Variants in AMMECR1 observed in about 807,000 individuals in gnomAD.
AMMECR1 encodes the protein nuclear protein AMMECR1.
Under a neutral mutation model 22.5 loss-of-function variants are expected in AMMECR1, and 3 were observed. That is an observed-to-expected ratio of 0.13 (90% CI 0.06 to 0.35). The LOEUF (loss-of-function observed/expected upper bound fraction) is 0.35, where lower values mean the gene tolerates loss of function less well. AMMECR1 is among the 10% of genes least tolerant of loss of function. AMMECR1 has a pLI of 1.00. For missense variants in AMMECR1, 235 were observed against 278.7 expected (o/e 0.84, Z 1.12); for synonymous variants, 130 against 116.7 (o/e 1.11, Z -0.74).
At chrX:110,440,072 T>C (rs536419063) in exon 1 of AMMECR1, 1 of 111,140 alleles carries the variant, frequency 9.0e-6, no homozygotes, top group South Asian at 3.9e-4. Flanking sequence ...CCCCAGGATG[T>C]CTCTCATCCT....
intron 1 of AMMECR1, among the ~76,000 whole-genome samples, chrX:110,435,072 GA>G (rs2068827145): frequency 1.1e-5 from 1 of 91,701 alleles, no homozygotes; most frequent in Non-Finnish European, 2.2e-5. Flanking sequence ...GGGAAGGAGG[GA>G]GGGGGGAGGA....
At chrX:110,392,558 T>C (rs904091301) in intron 2 of AMMECR1, among the ~76,000 whole-genome samples, 1 of 112,187 alleles carries the variant, frequency 8.9e-6, no homozygotes, top group African/African-American at 3.2e-5. Flanking sequence ...ACTAGGATTA[T>C]AGGCGTGAGC....
chrX:110,276,268 T>C, intron 1 of AMMECR1, among the ~76,000 whole-genome samples: 1 of 112,176 alleles, frequency 8.9e-6, no homozygotes, highest in East Asian at 2.8e-4. Context: ...ACTCACTATA[T>C]TCATGTTTTC....
At chrX:110,365,704 CT>C in intron 2 of AMMECR1, among the ~76,000 whole-genome samples, 1 of 111,890 alleles carries the variant, frequency 8.9e-6, no homozygotes, top group South Asian at 3.7e-4. Flanking sequence ...ACCTATTTTC[CT>C]TCTTCCAGGC....
intron 3 of AMMECR1, among the ~76,000 whole-genome samples, chrX:110,207,349 T>C (rs1290928832): frequency 9.0e-6 from 1 of 111,723 alleles, no homozygotes; most frequent in Non-Finnish European, 1.9e-5. Flanking sequence ...AGCTTAGCCT[T>C]TTGAAAACAG....
intron 3 of AMMECR1, among the ~76,000 whole-genome samples, chrX:110,211,732 T>C (rs2067448751): frequency 8.9e-6 from 1 of 111,990 alleles, no homozygotes; most frequent in Admixed American, 9.4e-5. Context: ...TATCAGCTAA[T>C]GAAATTTTTC....
At chrX:110,204,791 A>T (rs1039433856) in intron 3 of AMMECR1, among the ~76,000 whole-genome samples, 7 of 111,898 alleles carry the variant, frequency 6.3e-5, no homozygotes, top group African/African-American at 2.3e-4. Flanking sequence ...TACAAAGGAC[A>T]TATTGGCCAA....
chrX:110,252,048 G>C (rs994478037), intron 2 of AMMECR1, among the ~76,000 whole-genome samples: 1 of 111,468 alleles, frequency 9.0e-6, no homozygotes, highest in East Asian at 2.8e-4. Context: ...TACGTACCTA[G>C]TATGTATAAG....
chrX:110,361,547 C>T (rs1395650136), intron 2 of AMMECR1, among the ~76,000 whole-genome samples: 2 of 111,454 alleles, frequency 1.8e-5, no homozygotes, highest in African/African-American at 6.5e-5. Flanking sequence ...AACAACAAAA[C>T]CCCTTATAAT....
chrX:110,202,046 A>T (rs1303246461), intron 4 of AMMECR1, among the ~76,000 whole-genome samples: 1 of 111,883 alleles, frequency 8.9e-6, no homozygotes, highest in East Asian at 2.8e-4. Flanking sequence ...AGTAATGGCA[A>T]CCACCTAAGA....
At chrX:110,350,960 G>A (rs368635331) in intron 2 of AMMECR1, among the ~76,000 whole-genome samples, 1 of 111,346 alleles carries the variant, frequency 9.0e-6, no homozygotes, top group African/African-American at 3.3e-5. Context: ...GCAACAGAGT[G>A]AGACCCTGTC....
rs1325072377 is a variant in AMMECR1, at chrX:110,423,453, G to A, written c.-148+3205C>T. ...GGTGGCATCATGACTTCTCTGCTAG[G>A]GTTAATTGCTCAGCCTGAGAGGCTC... On this transcript the variant is annotated intron_variant, in intron 2 of 7. Transcript: ENST00000372057. Among the ~76,000 whole-genome samples, 3 of 112,128 alleles carry A rather than the reference G, an allele frequency of 2.7e-5. No individual in the cohort carries two copies. In the Admixed American group the frequency reaches 2.8e-4, roughly 11 times the overall value.
intron 2 of AMMECR1, among the ~76,000 whole-genome samples, chrX:110,347,820 A>G (rs759283245): frequency 4.4e-4 from 49 of 112,195 alleles, no homozygotes; most frequent in African/African-American, 1.5e-3. Context: ...ACAGTGAGTG[A>G]CATTTCCATC....
intron 1 of AMMECR1, among the ~76,000 whole-genome samples, chrX:110,427,962 C>G (rs2068766482): frequency 8.9e-6 from 1 of 111,782 alleles, no homozygotes; most frequent in Non-Finnish European, 1.9e-5. Flanking sequence ...CTCTAAGGAA[C>G]AGTTTTCCCC....
At chrX:110,342,217 G>A (rs2068167476) in intron 2 of AMMECR1, among the ~76,000 whole-genome samples, 1 of 111,037 alleles carries the variant, frequency 9.0e-6, no homozygotes, top group Non-Finnish European at 1.9e-5. Context: ...TGTATGTATG[G>A]GAAAAAACAT....
At chrX:110,314,280 C>A (rs767752957) in intron 1 of AMMECR1, among the ~76,000 whole-genome samples, 2 of 111,488 alleles carry the variant, frequency 1.8e-5, no homozygotes, top group Non-Finnish European at 3.8e-5. Flanking sequence ...TTTCTCAAAT[C>A]GGTTGTTTAC....
chrX:110,251,318 A>C (rs2067685218), intron 2 of AMMECR1, among the ~76,000 whole-genome samples: 1 of 111,892 alleles, frequency 8.9e-6, no homozygotes. Context: ...AGGAAATCTC[A>C]CAGAGGAAGC....
At chrX:110,222,696 AAAG>A (rs1369142305) in intron 2 of AMMECR1, among the ~76,000 whole-genome samples, 1 of 110,608 alleles carries the variant, frequency 9.0e-6, no homozygotes, top group Admixed American at 9.6e-5. Context: ...GAAGCTGAAA[AAAG>A]AAGTAGGAGT....
chrX:110,227,708 C>G (rs2067541064), intron 2 of AMMECR1, among the ~76,000 whole-genome samples: 1 of 111,865 alleles, frequency 8.9e-6, no homozygotes, highest in South Asian at 3.8e-4. Context: ...CATACGGCAG[C>G]TGCCTTCACT....
Sources: allele counts gnomAD v4.1 joint callset (sites outside exome capture counted in the v4.1 genomes callset), GRCh38; gene constraint gnomAD v4.1.1; transcripts MANE v1.5; gene names NCBI Gene and HGNC (gene_info 2026-07-23, HGNC 2026-07-21).